Variants in AS3MT observed in about 807,000 individuals in gnomAD.
AS3MT encodes arsenite methyltransferase.
AS3MT carries 47 observed loss-of-function variants against 45.3 expected under a neutral mutation model. The observed-to-expected ratio is 1.04, with a 90% confidence interval of 0.82 to 1.32. The LOEUF (loss-of-function observed/expected upper bound fraction) is 1.32. Among genes scored for constraint, AS3MT ranks in the 40% most tolerant of loss-of-function variants. AS3MT has a pLI of 0.00. For synonymous variants in AS3MT, 141 were observed against 152.8 expected (o/e 0.92, Z 0.57); for missense variants, 396 against 451.1 (o/e 0.88, Z 1.11).
rs775763434 is a variant in AS3MT at position 102,877,022 on chromosome 10, CAA to C, written c.599_600del (p.Lys200SerfsTer5). 7 of 1,614,068 alleles carry C rather than the reference CAA, an allele frequency of 4.3e-6. No homozygotes were observed. In the African/African-American group the frequency reaches 8.0e-5, roughly 18 times the overall value. The part of the protein sequence containing the change: ...LELPEEIRTH[K>X]VLWGECLGGA... ...AACTGCCAGAAGAAATCAGGACACACAAAGTTTTATGGGGTAGGTGATTTTGT... is the reference window on the plus strand; with the variant it reads ...AACTGCCAGAAGAAATCAGGACACACAGTTTTATGGGGTAGGTGATTTTGT... On this transcript the variant is annotated frameshift_variant, in exon 7 of 11. Coordinates refer to ENST00000369880, the MANE Select transcript of AS3MT (RefSeq NM_020682.4). LOFTEE classifies it high-confidence loss of function.
chr10:102,900,488 A>G (rs992019693), intron 10 of AS3MT, 105 bp from the exon 11 acceptor site: 1 of 746,034 alleles, frequency 1.3e-6, no homozygotes, highest in Non-Finnish European at 2.3e-6. Context: ...GTAAAATTTT[A>G]TCTCTGTTCT....
intron 1 of AS3MT, 27 bp from the exon 2 acceptor site, chr10:102,869,778 T>C: frequency 6.2e-7 from 1 of 1,614,056 alleles, no homozygotes; most frequent in South Asian, 1.1e-5. Flanking sequence ...ACCCTCTCCT[T>C]TCAACTAACT....
rs1258731335 is a variant in AS3MT at position 102,878,513 on chromosome 10, A to C, written c.742+3A>C. On this transcript the variant is annotated splice_donor_region_variant and intron_variant, in intron 8 of 10. Coordinates refer to ENST00000369880, the MANE Select transcript of AS3MT (RefSeq NM_020682.4). The stretch of plus-strand genomic sequence containing the variant: ...CAAGGAACTGGAAAGAGTTATCGGT[A>C]AGATATGACAGACAGCAGGGACTAT... 6.2e-7 allele frequency: 1 copy of C among 1,613,650 alleles called. No homozygotes were observed. The highest frequency in any genetic ancestry group is 1.3e-5 in the African/African-American group (1 of 74,890).
chr10:102,890,512 C>A, intron 9 of AS3MT, 32 bp from the exon 10 acceptor site: 1 of 1,545,258 alleles, frequency 6.5e-7, no homozygotes, highest in Non-Finnish European at 8.7e-7. Flanking sequence ...AAAGTTGCAA[C>A]TCTTAGTATT....
chr10:102,894,373 A>C (rs1845127708), intron 10 of AS3MT, among the ~76,000 whole-genome samples: 1 of 152,080 alleles, frequency 6.6e-6, no homozygotes, highest in Admixed American at 6.6e-5. Flanking sequence ...CAGTGAGCCG[A>C]GATCATGCCA....
At chr10:102,896,474 C>G (rs1275218013) in intron 10 of AS3MT, among the ~76,000 whole-genome samples, 1 of 151,762 alleles carries the variant, frequency 6.6e-6, no homozygotes, top group Non-Finnish European at 1.5e-5. Context: ...CAGCATGAAT[C>G]TAACCCAAGC....
At chr10:102,883,057 T>G (rs1345187891) in intron 9 of AS3MT, among the ~76,000 whole-genome samples, 1 of 151,712 alleles carries the variant, frequency 6.6e-6, no homozygotes, top group Non-Finnish European at 1.5e-5. Context: ...AAACCATTTT[T>G]AATACAATTA....
chr10:102,892,523 G>T (rs968504038), intron 10 of AS3MT, among the ~76,000 whole-genome samples: 8 of 151,968 alleles, frequency 5.3e-5, no homozygotes, highest in African/African-American at 1.9e-4. Flanking sequence ...TATGTGTGTG[G>T]CACCTTTTCA....
At chr10:102,895,136 C>T (rs985573077) in intron 10 of AS3MT, among the ~76,000 whole-genome samples, 1 of 151,886 alleles carries the variant, frequency 6.6e-6, no homozygotes, top group Non-Finnish European at 1.5e-5. Context: ...ATTTATACAG[C>T]TTAACTTCAA....
At chr10:102,892,885 C>T (rs927556626) in intron 10 of AS3MT, among the ~76,000 whole-genome samples, 2 of 151,792 alleles carry the variant, frequency 1.3e-5, no homozygotes, top group South Asian at 2.1e-4. Flanking sequence ...GAGGCTGAGG[C>T]AGGAGAATTG....
chr10:102,870,058 C>T (rs1844652378), intron 2 of AS3MT, 26 bp from the exon 3 acceptor site: 1 of 1,612,450 alleles, frequency 6.2e-7, no homozygotes, highest in Non-Finnish European at 8.5e-7. Context: ...CTCTACCCCT[C>T]ACTCCACTGT....
intron 3 of AS3MT, 78 bp downstream of exon 3, chr10:102,870,289 A>G: frequency 6.4e-7 from 1 of 1,554,496 alleles, no homozygotes; most frequent in Non-Finnish European, 8.8e-7. Flanking sequence ...GTCACTAGGG[A>G]ATTAACCCGT....
chr10:102,871,755 ACAAAT>A (rs775724396), intron 3 of AS3MT, among the ~76,000 whole-genome samples: 2 of 148,980 alleles, frequency 1.3e-5, no homozygotes, highest in Non-Finnish European at 3.0e-5. Context: ...ACAAAACAAA[ACAAAT>A]CAAAACAAAA....
Position 102,890,585 on chromosome 10 carries a change from C to G in AS3MT, c.927C>G (p.Ile309Met). The G allele has an allele frequency of 6.2e-7, 1 of 1,610,912 alleles. No homozygotes were observed. The highest frequency in any genetic ancestry group is 8.5e-7 in the Non-Finnish European group (1 of 1,178,894). The change falls in exon 10 of 11, where the codon ATC becomes ATG. Residue 309 changes from isoleucine (I) to methionine (M), a missense_variant. Transcript: ENST00000369880. ...AAGTGGATGAAGAAACAGCAGCTATCTTGAAGAATTCAAGATTTGCTCAAG... is the reference window on the plus strand; with the variant it reads ...AAGTGGATGAAGAAACAGCAGCTATGTTGAAGAATTCAAGATTTGCTCAAG... ...IVEVDEETAA[I>M]LKNSRFAQDF...
In AS3MT at chr10:102,869,808, C is replaced by T; in HGVS notation, c.5C>T (p.Ala2Val). 6.2e-7 allele frequency: 1 copy of T among 1,614,184 alleles called. No homozygotes were observed. Residue 2 changes from alanine (A) to valine (V), a missense_variant, in exon 2 of 11, where the codon GCT (alanine) becomes GTT (valine). Coordinates refer to ENST00000369880, the MANE Select transcript of AS3MT (RefSeq NM_020682.4). M[A>V]ALRDAEIQKD... is the part of the protein sequence containing the mutation. ...CTAACTTTCCCGCTCCCGACAGTGGCTGCACTTCGTGACGCTGAGATACAG... is the reference window on the plus strand; with the variant it reads ...CTAACTTTCCCGCTCCCGACAGTGGTTGCACTTCGTGACGCTGAGATACAG...
chr10:102,883,272 T>G (rs1304249837), intron 9 of AS3MT, among the ~76,000 whole-genome samples: 2 of 151,268 alleles, frequency 1.3e-5, no homozygotes, highest in African/African-American at 4.9e-5. Flanking sequence ...GGCTAATTTT[T>G]GCATTTTTAG....
At chr10:102,896,546 C>T (rs769727732) in intron 10 of AS3MT, among the ~76,000 whole-genome samples, 8 of 152,096 alleles carry the variant, frequency 5.3e-5, no homozygotes, top group Non-Finnish European at 8.8e-5. Context: ...CGGTGGCTTA[C>T]GCCTGTAATC....
At position 102,872,559 on chromosome 10, in the gene AS3MT, A is replaced by G; in HGVS notation, c.282A>G (p.Glu94=). The G allele has an allele frequency of 6.2e-7, 1 of 1,613,978 alleles. No individual in the cohort carries two copies. The highest frequency in any genetic ancestry group is 8.5e-7 in the Non-Finnish European group (1 of 1,179,882). ...ATGTACTTAGCCAGCTGGTTGGTGA[A>G]AAAGGACACGTGACTGGAATAGACA... is the stretch of plus-strand genomic sequence containing the variant. ...DCYVLSQLVG[E]KGHVTGIDMT... The change falls in exon 4 of 11, where the codon GAA becomes GAG. Residue 94 remains glutamate (E), a synonymous_variant. Coordinates refer to ENST00000369880, the MANE Select transcript of AS3MT (RefSeq NM_020682.4).
In AS3MT at chr10:102,900,640, GA is replaced by G. The variant is rs776137403; in HGVS notation, c.1070del (p.Lys357SerfsTer39). ...FKLAEESDSM[K>X]SRCVPDAAGG... is the part of the protein sequence containing the mutation. Reference sequence around the variant, plus strand: ...AGCTTGCAGAAGAGTCTGACAGTATGAAGTCCAGATGTGTCCCTGATGCTGC... The same window carrying G: ...AGCTTGCAGAAGAGTCTGACAGTATGAGTCCAGATGTGTCCCTGATGCTGC... On this transcript the variant is annotated frameshift_variant, in exon 11 of 11. Coordinates refer to ENST00000369880, the MANE Select transcript of AS3MT (RefSeq NM_020682.4). LOFTEE classifies it low-confidence loss of function (END_TRUNC). 2 of 1,614,158 alleles carry G rather than the reference GA, an allele frequency of 1.2e-6. No individual in the cohort carries two copies. The highest frequency in any genetic ancestry group is 2.2e-5 in the South Asian group (2 of 91,086).
Sources: gnomAD v4.1 joint callset for allele counts (sites outside exome capture counted in the v4.1 genomes callset) on GRCh38, gnomAD v4.1.1 for gene constraint, MANE v1.5 for transcripts, NCBI Gene and HGNC (gene_info 2026-07-23, HGNC 2026-07-21) for gene names.